Variants in GALNT16 observed in about 807,000 individuals in gnomAD.
GALNT16 encodes the protein polypeptide N-acetylgalactosaminyltransferase 16.
GALNT16 carries 40 observed loss-of-function variants against 76.1 expected under a neutral mutation model. The ratio of observed to expected loss-of-function variants is 0.53; its 90% CI spans 0.41 to 0.68. GALNT16 has a LOEUF of 0.68. Ranked by LOEUF, GALNT16 falls within the 30% of genes least tolerant of loss-of-function variation. The probability of loss-of-function intolerance (pLI) is 0.00; values close to 1 mark genes in which losing one functional copy is unlikely to be tolerated. For missense variants in GALNT16, 621 were observed against 731.9 expected (o/e 0.85, Z 1.75); for synonymous variants, 276 against 285.2 (o/e 0.97, Z 0.32).
chr14:69,343,851 C>G (rs551050777), intron 12 of GALNT16, among the ~76,000 whole-genome samples: 3 of 152,174 alleles, frequency 2.0e-5, no homozygotes, highest in Non-Finnish European at 4.4e-5. Context: ...AAACCTGGCT[C>G]GATCACAAGG....
chr14:69,339,342 C>T (rs2045454904), intron 10 of GALNT16, among the ~76,000 whole-genome samples, 185 bp from the exon 11 acceptor site: 1 of 152,176 alleles, frequency 6.6e-6, no homozygotes, highest in Non-Finnish European at 1.5e-5. Context: ...AGCTGCATAC[C>T]TACAAAGTCG....
At chr14:69,316,335 C>T (rs1418022235) in intron 1 of GALNT16, among the ~76,000 whole-genome samples, 1 of 152,164 alleles carries the variant, frequency 6.6e-6, no homozygotes, top group Non-Finnish European at 1.5e-5. Context: ...CCTACAATCA[C>T]CAAGGTTTTT....
intron 1 of GALNT16, among the ~76,000 whole-genome samples, chr14:69,290,402 C>G (rs1426655700): frequency 2.0e-5 from 3 of 152,334 alleles, no homozygotes; most frequent in South Asian, 2.1e-4. Flanking sequence ...CAGAATTGAA[C>G]CCAGGCTGCC....
At chr14:69,329,033 G>A (rs903448159) in intron 6 of GALNT16, among the ~76,000 whole-genome samples, 1 of 152,182 alleles carries the variant, frequency 6.6e-6, no homozygotes, top group African/African-American at 2.4e-5. Flanking sequence ...ATAACAACCC[G>A]ACCATAAAAA....
At chr14:69,322,984 G>A (rs1378028571) in intron 2 of GALNT16, among the ~76,000 whole-genome samples, 6 of 34,886 alleles carry the variant, frequency 1.7e-4, no homozygotes, top group African/African-American at 2.6e-4. Context: ...GTGTGTGTGC[G>A]CGCGCACGCG....
At chr14:69,293,896 C>CT (rs879765693) in intron 1 of GALNT16, among the ~76,000 whole-genome samples, 126 of 146,254 alleles carry the variant, frequency 8.6e-4, no homozygotes, top group East Asian at 3.2e-3. Context: ...AGAACCCATA[C>CT]TTTTTTTTTT....
intron 14 of GALNT16, 159 bp downstream of exon 14, chr14:69,348,161 A>T (rs187944165): frequency 1.5e-6 from 1 of 662,752 alleles, no homozygotes; most frequent in African/African-American, 1.8e-5. Flanking sequence ...GGTCAAGCCA[A>T]TTATTCTGCC....
In GALNT16 at chr14:69,324,601, A is replaced by G. The variant is rs376972052; in HGVS notation, c.336-91A>G. 40 of 658,812 alleles carry G rather than the reference A, an allele frequency of 6.1e-5. No individual in the cohort carries two copies. In the East Asian group the frequency reaches 1.0e-3, roughly 17 times the overall value. The allele number at this position is 658,812 out of a possible 1,614,324, so 40.8% of individuals were successfully genotyped here. On this transcript the variant is annotated intron_variant, in intron 2 of 14. Transcript: ENST00000448469. ...TGTGCCTTCTCTGCCTGGCAGAAGT[A>G]TTCTCAGGCACAAGACTGGACAAAG...
At chr14:69,267,799 C>T (rs1223821035) in intron 1 of GALNT16, among the ~76,000 whole-genome samples, 3 of 152,040 alleles carry the variant, frequency 2.0e-5, no homozygotes, top group Non-Finnish European at 2.9e-5. Flanking sequence ...TTAGTTTCCT[C>T]ATCTGTCAGG....
At chr14:69,260,713 T>C (rs1187912960) in intron 1 of GALNT16, 2 of 232,134 alleles carry the variant, frequency 8.6e-6, no homozygotes, top group East Asian at 9.1e-5. Context: ...GCAAGTTTGG[T>C]GGGCCCGGCG....
Position 69,260,171 on chromosome 14 carries a change from T to C in GALNT16, c.-120T>C. 2 of 174,028 alleles carry C rather than the reference T, an allele frequency of 1.1e-5. No individual in the cohort carries two copies. Among genetic ancestry groups the C allele is most frequent in the Non-Finnish European group, 2.3e-5 (2 of 88,570 alleles). The allele number at this position is 174,028 out of a possible 1,614,324, so 10.8% of individuals were successfully genotyped here. On this transcript the variant is annotated 5_prime_UTR_variant, in exon 1 of 15. Coordinates refer to ENST00000448469, the MANE Select transcript of GALNT16 (RefSeq NM_001168368.2). ...CCCCCCACCTCTCTCCTTTTTCTGC[T>C]CTGCAGGACTGAGCAGCTAGGCGCG...
intron 11 of GALNT16, among the ~76,000 whole-genome samples, chr14:69,341,249 G>A (rs1447004988): frequency 6.6e-6 from 1 of 152,136 alleles, no homozygotes; most frequent in African/African-American, 2.4e-5. Context: ...GGTGTCCCAA[G>A]GACACATCTA....
downstream of GALNT16, among the ~76,000 whole-genome samples, chr14:69,360,086 T>C (rs534745953): frequency 2.0e-5 from 3 of 151,296 alleles, no homozygotes; most frequent in East Asian, 2.0e-4. Context: ...GGCACAGCGA[T>C]TCCTGCCTAG....
chr14:69,288,210 T>C (rs989339448), intron 1 of GALNT16, among the ~76,000 whole-genome samples: 4 of 152,170 alleles, frequency 2.6e-5, no homozygotes, highest in African/African-American at 9.7e-5. Context: ...GAGTATCATT[T>C]GTTTAAAGTT....
intron 1 of GALNT16, among the ~76,000 whole-genome samples, chr14:69,274,775 GA>G (rs2044450354): frequency 1.3e-5 from 2 of 152,164 alleles, no homozygotes; most frequent in Admixed American, 6.5e-5. Flanking sequence ...GGACGGCAGG[GA>G]TAGAAGCACT....
At chr14:69,275,232 C>A (rs2044457278) in intron 1 of GALNT16, among the ~76,000 whole-genome samples, 1 of 152,112 alleles carries the variant, frequency 6.6e-6, no homozygotes, top group South Asian at 2.1e-4. Flanking sequence ...ATTGGCTTAG[C>A]CTCTCCAAAG....
chr14:69,281,000 C>T (rs1386446767), intron 1 of GALNT16, among the ~76,000 whole-genome samples: 1 of 152,102 alleles, frequency 6.6e-6, no homozygotes, highest in East Asian at 1.9e-4. Context: ...AATAAAAACA[C>T]GGAGTCTTCG....
At chr14:69,259,649 T>A (rs1005053242), upstream of GALNT16, 1 of 152,420 alleles carries the variant, frequency 6.6e-6, no homozygotes, top group Non-Finnish European at 1.5e-5. Context: ...CTCAGGACTC[T>A]CCCCCGCCCA....
chr14:69,345,711 T>C (rs2045553379), intron 12 of GALNT16, among the ~76,000 whole-genome samples: 1 of 151,160 alleles, frequency 6.6e-6, no homozygotes, highest in Non-Finnish European at 1.5e-5. Flanking sequence ...TCAGTGTGTG[T>C]GTGTGTGTGT....
Sources: gnomAD v4.1 joint callset for allele counts (sites outside exome capture counted in the v4.1 genomes callset) on GRCh38, gnomAD v4.1.1 for gene constraint, MANE v1.5 for transcripts, NCBI Gene and HGNC (gene_info 2026-07-23, HGNC 2026-07-21) for gene names.